The following MAGI2 variants were observed in gnomAD, a reference collection of about 807,000 sequenced individuals.
MAGI2 encodes membrane-associated guanylate kinase, WW and PDZ domain-containing protein 2.
MAGI2 carries 35 observed loss-of-function variants against 133.3 expected under a neutral mutation model. The observed-to-expected ratio is 0.26, with a 90% CI of 0.20 to 0.35. The LOEUF (loss-of-function observed/expected upper bound fraction) is 0.35, where lower values mean the gene tolerates loss of function less well. Among genes scored for constraint, MAGI2 ranks in the 10% least tolerant of loss-of-function variants. The pLI, the probability that MAGI2 is intolerant of heterozygous loss-of-function variation, is 1.00. For synonymous variants in MAGI2, 729 were observed against 710.6 expected, an observed-to-expected ratio of 1.03 and a Z score of -0.41; for missense variants, 1,636 against 1,863.4, an observed-to-expected ratio of 0.88 and a Z score of 2.25.
intron 3 of MAGI2, among the ~76,000 whole-genome samples, chr7:78,610,800 G>C (rs576221209): frequency 6.6e-6 from 1 of 152,288 alleles, no homozygotes; most frequent in South Asian, 2.1e-4. Context: ...TGGTTGGAAG[G>C]AAAGTGAAGT....
chr7:78,698,796 C>A (rs994617046), intron 2 of MAGI2, among the ~76,000 whole-genome samples: 3 of 151,992 alleles, frequency 2.0e-5, no homozygotes, highest in African/African-American at 7.3e-5. Context: ...AGGGAAAGCC[C>A]CTTACAAAAC....
In MAGI2 at chr7:78,535,138, G is replaced by A. The variant is rs1469911871; in HGVS notation, c.539-13493C>T. Among the ~76,000 whole-genome samples, 3 of 151,748 alleles carry A rather than the reference G, an allele frequency of 2.0e-5. No homozygotes were observed. In the East Asian group the frequency reaches 5.8e-4, roughly 29 times the overall value. On this transcript the variant is annotated intron_variant, in intron 3 of 21. Coordinates refer to ENST00000354212, the MANE Select transcript of MAGI2 (RefSeq NM_012301.4). The stretch of plus-strand genomic sequence containing the variant: ...CAGAGCGAGACTCCATCTCAAAAAA[G>A]AAAAGAAAATAAAAAAATGAGTAAA...
chr7:79,024,020 T>C (rs1326973861), intron 1 of MAGI2, among the ~76,000 whole-genome samples: 1 of 152,112 alleles, frequency 6.6e-6, no homozygotes, highest in Admixed American at 6.5e-5. Context: ...GGATCTCCAA[T>C]AGCCAAGGCA....
At chr7:78,887,871 G>A (rs866612947) in intron 2 of MAGI2, among the ~76,000 whole-genome samples, 3 of 152,182 alleles carry the variant, frequency 2.0e-5, no homozygotes, top group African/African-American at 2.4e-5. Context: ...GGGGAGTGAC[G>A]GAGAGTGGGC....
chr7:78,580,675 T>C (rs1188434306), intron 3 of MAGI2, among the ~76,000 whole-genome samples: 1 of 152,208 alleles, frequency 6.6e-6, no homozygotes, highest in Non-Finnish European at 1.5e-5. Flanking sequence ...ACTCTCAAAG[T>C]ACTCTGTAGG....
At chr7:78,949,094 A>G (rs2151697894) in intron 2 of MAGI2, among the ~76,000 whole-genome samples, 1 of 152,246 alleles carries the variant, frequency 6.6e-6, no homozygotes, top group African/African-American at 2.4e-5. Flanking sequence ...GGGAAAAATA[A>G]AGCCTTAGTT....
At chr7:78,391,984 A>G (rs1795931459) in intron 6 of MAGI2, among the ~76,000 whole-genome samples, 1 of 152,232 alleles carries the variant, frequency 6.6e-6, no homozygotes, top group Non-Finnish European at 1.5e-5. Context: ...ATTCCTTGTA[A>G]GCAGGTAGTG....
intron 21 of MAGI2, among the ~76,000 whole-genome samples, chr7:78,027,675 A>G (rs2428923): frequency 0.15 from 22,994 of 151,234 alleles, 2,615 homozygotes; most frequent in East Asian, 0.55. Flanking sequence ...ATGACCTGCA[A>G]TCAGAGAACA....
chr7:79,026,828 C>G (rs1276654396), intron 1 of MAGI2, among the ~76,000 whole-genome samples: 2 of 148,374 alleles, frequency 1.3e-5, no homozygotes. Flanking sequence ...AAGCCAAGAT[C>G]GGCAATCCAG....
intron 1 of MAGI2, among the ~76,000 whole-genome samples, chr7:79,211,233 T>C (rs1005477429): frequency 3.9e-5 from 6 of 152,034 alleles, no homozygotes; most frequent in African/African-American, 1.2e-4. Context: ...CTCTAATTTA[T>C]CTACCATCTA....
In MAGI2 at chr7:78,256,989, C is replaced by G. The variant is rs142399222; in HGVS notation, c.1409-408G>C. On this transcript the variant is annotated intron_variant, in intron 9 of 21. Coordinates refer to ENST00000354212, the MANE Select transcript of MAGI2 (RefSeq NM_012301.4). Reference sequence around the variant, plus strand: ...GTGGTCATGAGTTTTAGACGAAAAACAAAGCCCTAGCATATTTTTTTTTGT... The same window carrying G: ...GTGGTCATGAGTTTTAGACGAAAAAGAAAGCCCTAGCATATTTTTTTTTGT... Among the ~76,000 whole-genome samples, 824 of 152,174 alleles carry G rather than the reference C, an allele frequency of 5.4e-3. 5 individuals are homozygous for G. Among genetic ancestry groups the G allele is most frequent in the African/African-American group, 0.019 (775 of 41,470 alleles).
intron 1 of MAGI2, among the ~76,000 whole-genome samples, chr7:79,333,311 A>T (rs1840217208): frequency 6.6e-6 from 1 of 152,066 alleles, no homozygotes. Context: ...TATTTTTAGT[A>T]CAGACAGGGT....
At chr7:78,682,851 A>C (rs536641498) in intron 2 of MAGI2, among the ~76,000 whole-genome samples, 46 of 152,268 alleles carry the variant, frequency 3.0e-4, no homozygotes, top group African/African-American at 1.0e-3. Flanking sequence ...CCTTTTCTTT[A>C]TGGGTATTAA....
chr7:79,377,518 C>T (rs9918566), intron 1 of MAGI2, among the ~76,000 whole-genome samples: 26,413 of 151,592 alleles, frequency 0.17, 2,575 homozygotes, highest in African/African-American at 0.26. Context: ...GGCAATGAAG[C>T]CACGTTCTTA....
intron 2 of MAGI2, among the ~76,000 whole-genome samples, chr7:78,758,258 G>A (rs763511980): frequency 6.6e-6 from 1 of 151,420 alleles, no homozygotes; most frequent in African/African-American, 2.4e-5. Flanking sequence ...CCTCATACAA[G>A]ACAGGGTTTT....
intron 1 of MAGI2, among the ~76,000 whole-genome samples, chr7:79,193,456 T>C (rs940746183): frequency 6.6e-6 from 1 of 151,918 alleles, no homozygotes; most frequent in South Asian, 2.1e-4. Context: ...CTAGTAAGAA[T>C]GAAATACATA....
chr7:78,041,714 G>A (rs7799860), intron 21 of MAGI2, among the ~76,000 whole-genome samples: 7 of 151,948 alleles, frequency 4.6e-5, no homozygotes, highest in African/African-American at 1.2e-4. Flanking sequence ...AAAACAAAAG[G>A]CTGGAAAGTC....
chr7:79,013,141 G>T (rs1458723158), intron 1 of MAGI2, among the ~76,000 whole-genome samples: 1 of 152,096 alleles, frequency 6.6e-6, no homozygotes, highest in African/African-American at 2.4e-5. Context: ...TAAAATATTT[G>T]CTAAGTGCAT....
At chr7:78,916,637 G>A (rs895597366) in intron 2 of MAGI2, among the ~76,000 whole-genome samples, 6 of 152,118 alleles carry the variant, frequency 3.9e-5, no homozygotes, top group African/African-American at 1.4e-4. Flanking sequence ...AACCACAGCA[G>A]TTAGAGCAGA....
Sources: gnomAD v4.1 joint callset for allele counts (sites outside exome capture counted in the v4.1 genomes callset) on GRCh38, gnomAD v4.1.1 for gene constraint, MANE v1.5 for transcripts, NCBI Gene and HGNC (gene_info 2026-07-23, HGNC 2026-07-21) for gene names.